CPEB3: variants seen among roughly 807,000 people sequenced by gnomAD.
The protein encoded by CPEB3 is cytoplasmic polyadenylation element binding protein 3, also known as cytoplasmic polyadenylation element-binding protein 3.
A neutral mutation model predicts 67.2 loss-of-function variants in CPEB3; 20 were observed. The observed-to-expected ratio is 0.30, with a 90% confidence interval of 0.21 to 0.43. The LOEUF is 0.43. CPEB3 is among the 20% of genes least tolerant of loss of function. The pLI, the probability that CPEB3 is intolerant of heterozygous loss-of-function variation, is 1.00. For synonymous variants in CPEB3, 376 were observed against 393.1 expected (o/e 0.96, Z 0.51); for missense variants, 746 against 968.6 (o/e 0.77, Z 3.05).
At chr10:92,243,989 A>C (rs1408595975) in intron 1 of CPEB3, among the ~76,000 whole-genome samples, 1 of 152,180 alleles carries the variant, frequency 6.6e-6, no homozygotes, top group African/African-American at 2.4e-5. Flanking sequence ...TATTCATACA[A>C]AGGATTACTC....
chr10:92,209,175 A>T (rs572597742), intron 2 of CPEB3, among the ~76,000 whole-genome samples: 2 of 152,026 alleles, frequency 1.3e-5, no homozygotes, highest in East Asian at 3.9e-4. Context: ...GCTGTTATTT[A>T]AAAAAAAATT....
At chr10:92,289,690 G>C (rs1249285650) in intron 1 of CPEB3, among the ~76,000 whole-genome samples, 1 of 127,644 alleles carries the variant, frequency 7.8e-6, no homozygotes, top group East Asian at 2.2e-4. Context: ...AGACCAGCCT[G>C]GGCAACATGG....
chr10:92,263,718 G>T (rs181539927), intron 1 of CPEB3, among the ~76,000 whole-genome samples: 12 of 152,136 alleles, frequency 7.9e-5, no homozygotes, highest in Non-Finnish European at 4.4e-5. Flanking sequence ...TAGAGATGGG[G>T]TCTTGTTATG....
intron 2 of CPEB3, among the ~76,000 whole-genome samples, chr10:92,223,602 G>A (rs1188301776): frequency 1.0e-4 from 12 of 119,332 alleles, no homozygotes; most frequent in African/African-American, 3.7e-4. Flanking sequence ...TTGAGACAGA[G>A]TCTCGCTGTC....
At chr10:92,257,005 T>C in intron 1 of CPEB3, among the ~76,000 whole-genome samples, 1 of 152,248 alleles carries the variant, frequency 6.6e-6, no homozygotes, top group East Asian at 1.9e-4. Context: ...TTTATCCCAA[T>C]TTGTTGAAAT....
Position 92,049,103 on chromosome 10 carries a change from A to G in CPEB3, c.*3109T>C, listed in dbSNP as rs1427685535. 6.5e-6 allele frequency: 1 copy of G among 152,782 alleles called. No homozygotes were observed. Among genetic ancestry groups the G allele is most frequent in the African/African-American group, 2.4e-5 (1 of 41,584 alleles). The allele number at this position is 152,782 out of a possible 1,614,324, so 9.5% of individuals were successfully genotyped here. On this transcript the variant is annotated 3_prime_UTR_variant, in exon 10 of 10. Transcript: ENST00000265997. The stretch of plus-strand genomic sequence containing the variant: ...GCTACATTACTATTGAAAAAATACC[A>G]GCATGAAGAAAAGGTACATATTTGA...
Position 92,047,084 on chromosome 10 carries a change from C to T in CPEB3, c.*5128G>A, listed in dbSNP as rs1192261540. ...GAGCAGAAGTTATCCTGTGTTAGCA[C>T]CCAAGTTTTCTACTTGTTGCAATTA... On this transcript the variant is annotated 3_prime_UTR_variant, in exon 10 of 10. Coordinates refer to ENST00000265997, the MANE Select transcript of CPEB3 (RefSeq NM_014912.5). 3 of 152,148 alleles carry T rather than the reference C, an allele frequency of 2.0e-5. No individual in the cohort carries two copies. The highest frequency in any genetic ancestry group is 4.8e-5 in the African/African-American group (2 of 41,448). 9.4% of individuals were successfully genotyped at this position (152,148 alleles called of 1,614,324 possible).
chr10:92,148,225 C>T (rs370049536), intron 4 of CPEB3, among the ~76,000 whole-genome samples: 2 of 152,204 alleles, frequency 1.3e-5, no homozygotes, highest in East Asian at 1.9e-4. Context: ...ACCCCTTCTA[C>T]GTCACAGTTG....
intron 7 of CPEB3, among the ~76,000 whole-genome samples, chr10:92,096,354 C>G (rs1843878743): frequency 6.6e-6 from 1 of 151,986 alleles, no homozygotes; most frequent in Admixed American, 6.6e-5. Flanking sequence ...ACTTGAGCAT[C>G]CATGGATTTT....
chr10:92,201,529 G>GAAACAAAC (rs10627521), intron 2 of CPEB3, among the ~76,000 whole-genome samples: 13 of 151,586 alleles, frequency 8.6e-5, no homozygotes, highest in African/African-American at 2.9e-4. Context: ...CACTGTCTCA[G>GAAACAAAC]AAACAAACAA....
Position 92,144,991 on chromosome 10 carries a change from G to A in CPEB3, c.1317C>T (p.Tyr439=), listed in dbSNP as rs887644957. ...GTCCTCCAACAAACACCTTTCTAGA[G>A]TAGCGTTCTACTCGTTCCCCATTTT... ...RCQNGERVER[Y]SRKVFVGGLP... Residue 439 remains tyrosine (Y), a synonymous_variant, in exon 5 of 10, where the codon TAC becomes TAT. Coordinates refer to ENST00000265997, the MANE Select transcript of CPEB3 (RefSeq NM_014912.5). 6.2e-7 allele frequency: 1 copy of A among 1,614,118 alleles called. No homozygotes were observed. Among genetic ancestry groups the A allele is most frequent in the Admixed American group, 1.7e-5 (1 of 60,016 alleles).
intron 2 of CPEB3, among the ~76,000 whole-genome samples, chr10:92,234,632 A>AT (rs1851438946): frequency 6.6e-6 from 1 of 152,230 alleles, no homozygotes; most frequent in African/African-American, 2.4e-5. Context: ...ATTTGTCAAT[A>AT]TAACAAGGAT....
intron 6 of CPEB3, chr10:92,137,687 A>G (rs1431378732): frequency 2.0e-6 from 1 of 489,554 alleles, no homozygotes; most frequent in Non-Finnish European, 3.7e-6. Context: ...AGTCATCTTC[A>G]TCAATACTGG....
intron 6 of CPEB3, among the ~76,000 whole-genome samples, chr10:92,131,894 A>G (rs1464881156): frequency 6.6e-6 from 1 of 152,226 alleles, no homozygotes; most frequent in Non-Finnish European, 1.5e-5. Flanking sequence ...GTTCTAGAGA[A>G]GCACTGTCTA....
intron 2 of CPEB3, among the ~76,000 whole-genome samples, chr10:92,226,104 A>T (rs577919843): frequency 2.7e-4 from 41 of 152,352 alleles, no homozygotes; most frequent in African/African-American, 4.6e-4. Flanking sequence ...CTCAAAAAAA[A>T]AATAATAATA....
intron 2 of CPEB3, among the ~76,000 whole-genome samples, chr10:92,229,576 C>T (rs1032210175): frequency 1.3e-5 from 2 of 151,512 alleles, no homozygotes; most frequent in Admixed American, 6.6e-5. Flanking sequence ...AAAGCAAGAA[C>T]TCTGCTTACT....
intron 1 of CPEB3, among the ~76,000 whole-genome samples, chr10:92,251,854 T>C (rs1852314207): frequency 6.6e-6 from 1 of 150,806 alleles, no homozygotes; most frequent in East Asian, 2.0e-4. Flanking sequence ...GGCATGAGAA[T>C]AGTTTGAACC....
At chr10:92,127,493 T>C (rs1392397293) in intron 6 of CPEB3, among the ~76,000 whole-genome samples, 1 of 151,828 alleles carries the variant, frequency 6.6e-6, no homozygotes. Context: ...CTGGGCAATA[T>C]GGTGAGACCC....
rs1349863306 is a variant in CPEB3 at position 92,051,484 on chromosome 10, A to G, written c.*728T>C. On this transcript the variant is annotated 3_prime_UTR_variant, in exon 10 of 10. Transcript: ENST00000265997. Reference sequence around the variant, plus strand: ...GTTTAATTGATATCCTAGCCTGAATAGAGTATTATGGTATTAATAATACCA... The same window carrying G: ...GTTTAATTGATATCCTAGCCTGAATGGAGTATTATGGTATTAATAATACCA... 2.0e-5 allele frequency: 3 copies of G among 152,624 alleles called. No homozygotes were observed. Among genetic ancestry groups the G allele is most frequent in the Non-Finnish European group, 4.4e-5 (3 of 68,056 alleles). The allele number at this position is 152,624 out of a possible 1,614,324, so 9.5% of individuals were successfully genotyped here.
Sources: gnomAD v4.1 joint callset for allele counts (sites outside exome capture counted in the v4.1 genomes callset) on GRCh38, gnomAD v4.1.1 for gene constraint, MANE v1.5 for transcripts, NCBI Gene and HGNC (gene_info 2026-07-23, HGNC 2026-07-21) for gene names.